EPC1: variants seen among roughly 807,000 people sequenced by gnomAD.
EPC1 encodes the protein enhancer of polycomb homolog 1.
Under a neutral mutation model 98.4 loss-of-function variants are expected in EPC1, and 12 were observed. That is an observed-to-expected ratio of 0.12 (90% confidence interval 0.08 to 0.20). The LOEUF (loss-of-function observed/expected upper bound fraction) is 0.20. EPC1 is among the 10% of genes least tolerant of loss of function. EPC1 has a pLI of 1.00. For missense variants in EPC1, 729 were observed against 990.5 expected (o/e 0.74, Z 3.54); for synonymous variants, 357 against 363.9 (o/e 0.98, Z 0.21).
At chr10:32,333,768 C>CAAG (rs1554823305) in intron 1 of EPC1, among the ~76,000 whole-genome samples, 2 of 151,852 alleles carry the variant, frequency 1.3e-5, no homozygotes, top group African/African-American at 2.4e-5. Context: ...TAAGGCTTTA[C>CAAG]GAGAAGGGTG....
intron 2 of EPC1, among the ~76,000 whole-genome samples, chr10:32,294,019 TAAG>T (rs1240768309): frequency 6.6e-6 from 1 of 152,192 alleles, no homozygotes; most frequent in Non-Finnish European, 1.5e-5. Flanking sequence ...AGAAGCCTAT[TAAG>T]AACATAAAGC....
upstream of EPC1, among the ~76,000 whole-genome samples, chr10:32,350,065 A>G (rs1474875942): frequency 1.3e-5 from 2 of 152,202 alleles, no homozygotes; most frequent in Non-Finnish European, 2.9e-5. Context: ...TTCTGTTCTC[A>G]ACTTAAAATT....
intron 1 of EPC1, 135 bp downstream of exon 1, chr10:32,346,628 G>T: frequency 1.1e-6 from 1 of 910,708 alleles, no homozygotes; most frequent in Non-Finnish European, 1.7e-6. Flanking sequence ...CGGGGTATAG[G>T]CCCGGCCGGC....
chr10:32,330,201 A>T (rs1837558789), intron 1 of EPC1, among the ~76,000 whole-genome samples: 1 of 152,252 alleles, frequency 6.6e-6, no homozygotes, highest in Non-Finnish European at 1.5e-5. Flanking sequence ...CAGCAATTAT[A>T]GTCTTGGGAG....
chr10:32,277,225 G>A (rs1410231), intron 10 of EPC1, among the ~76,000 whole-genome samples: 16,890 of 152,156 alleles, frequency 0.11, 1,003 homozygotes, highest in Admixed American at 0.13. Context: ...GTCTACGCAA[G>A]GAGAATCCTA....
intron 1 of EPC1, among the ~76,000 whole-genome samples, chr10:32,334,477 CACTTT>C (rs1837836020): frequency 6.6e-6 from 1 of 150,978 alleles, no homozygotes; most frequent in Non-Finnish European, 1.5e-5. Context: ...AAAAAAATCA[CACTTT>C]ATACAGGTAT....
intron 1 of EPC1, 166 bp downstream of exon 1, chr10:32,346,597 G>A (rs937107611): frequency 8.8e-6 from 6 of 685,230 alleles, no homozygotes; most frequent in African/African-American, 1.8e-5. Flanking sequence ...CGCGGCGGCC[G>A]GGGGTCGAGG....
intron 9 of EPC1, 114 bp from the exon 10 acceptor site, chr10:32,285,164 T>A: frequency 1.4e-6 from 1 of 730,356 alleles, no homozygotes; most frequent in Non-Finnish European, 2.2e-6. Context: ...ACTGAATATT[T>A]AAAAGCTTTA....
intron 1 of EPC1, among the ~76,000 whole-genome samples, chr10:32,317,138 T>C (rs772101588): frequency 4.6e-5 from 7 of 152,192 alleles, no homozygotes; most frequent in Non-Finnish European, 7.3e-5. Flanking sequence ...TATAGACCAC[T>C]TGACAGTTTC....
intron 1 of EPC1, chr10:32,345,171 G>T (rs1476174829): frequency 1.0e-6 from 1 of 981,008 alleles, no homozygotes; most frequent in Non-Finnish European, 1.2e-6. Context: ...TAAACAAATG[G>T]CCATGCTACT....
chr10:32,362,227 G>A (rs1564567446), intron 1 of EPC1, among the ~76,000 whole-genome samples: 1 of 151,948 alleles, frequency 6.6e-6, no homozygotes, highest in Admixed American at 6.6e-5. Flanking sequence ...GCCTGGATGG[G>A]GACCCCTTTC....
At chr10:32,335,570 C>A (rs1017556378) in intron 1 of EPC1, among the ~76,000 whole-genome samples, 1 of 152,082 alleles carries the variant, frequency 6.6e-6, no homozygotes, top group Non-Finnish European at 1.5e-5. Flanking sequence ...AGTTCTATCC[C>A]ATTTCTTCTT....
At chr10:32,301,990 G>A (rs966229879) in intron 2 of EPC1, among the ~76,000 whole-genome samples, 11 of 152,134 alleles carry the variant, frequency 7.2e-5, no homozygotes, top group South Asian at 2.1e-4. Context: ...GAAAAATTTC[G>A]CGGCTGGAGG....
At chr10:32,279,933 A>G (rs1836312063) in intron 10 of EPC1, among the ~76,000 whole-genome samples, 1 of 152,186 alleles carries the variant, frequency 6.6e-6, no homozygotes, top group Non-Finnish European at 1.5e-5. Context: ...GGTCTTTCCC[A>G]GTTCCTTACC....
intron 1 of EPC1, among the ~76,000 whole-genome samples, chr10:32,353,599 AGTTTGT>A (rs1282564126): frequency 6.6e-6 from 1 of 152,240 alleles, no homozygotes; most frequent in Non-Finnish European, 1.5e-5. Flanking sequence ...AAGGCAAGAC[AGTTTGT>A]GTTGGAGAAA....
intron 10 of EPC1, among the ~76,000 whole-genome samples, chr10:32,277,462 C>G (rs946176025): frequency 6.6e-6 from 1 of 152,218 alleles, no homozygotes; most frequent in East Asian, 1.9e-4. Context: ...TCAAACAACT[C>G]AATCTAGAAA....
intron 1 of EPC1, among the ~76,000 whole-genome samples, chr10:32,355,710 A>G (rs1839255284): frequency 7.3e-6 from 1 of 136,540 alleles, no homozygotes; most frequent in Admixed American, 9.0e-5. Flanking sequence ...TCCTGAGTTC[A>G]AGCCATTCTC....
intron 1 of EPC1, among the ~76,000 whole-genome samples, chr10:32,353,222 G>A (rs1839176141): frequency 6.6e-6 from 1 of 151,696 alleles, no homozygotes. Context: ...GTCCCAGATT[G>A]AAGTGAAGTG....
Position 32,347,045 on chromosome 10 carries a change from C to A in EPC1, c.-130G>T. 2 of 1,469,000 alleles carry A rather than the reference C, an allele frequency of 1.4e-6. No homozygotes were observed. Among genetic ancestry groups the A allele is most frequent in the Non-Finnish European group, 1.8e-6 (2 of 1,116,104 alleles). 91.0% of individuals were successfully genotyped at this position (1,469,000 alleles called of 1,614,324 possible). On this transcript the variant is annotated 5_prime_UTR_variant, in exon 1 of 14. Transcript: ENST00000319778. ...TTGAGGGGCGGAGCGCAGAGCCCGC[C>A]GTCCGGGCACTAACACCAGCCGGGA...
Sources: gnomAD v4.1 joint callset for allele counts (sites outside exome capture counted in the v4.1 genomes callset) on GRCh38, gnomAD v4.1.1 for gene constraint, MANE v1.5 for transcripts, NCBI Gene and HGNC (gene_info 2026-07-23, HGNC 2026-07-21) for gene names.